Variants in VPS13C observed in about 807,000 individuals in gnomAD.
VPS13C encodes the protein vacuolar protein sorting 13 homolog C.
In VPS13C, 358 loss-of-function variants were observed where a neutral mutation model predicts 456.8. The ratio of observed to expected loss-of-function variants is 0.78; its 90% CI spans 0.72 to 0.86. VPS13C has a LOEUF of 0.86. Ranked by LOEUF, VPS13C falls within the 40% of genes least tolerant of loss-of-function variation. The probability of loss-of-function intolerance (pLI) is 0.00; values close to 1 mark genes in which losing one functional copy is unlikely to be tolerated. For missense variants in VPS13C, 4,818 were observed against 4,385.4 expected, an observed-to-expected ratio of 1.10 and a Z score of -2.79; for synonymous variants, 1,578 against 1,486.7, an observed-to-expected ratio of 1.06 and a Z score of -1.41.
chr15:61,882,802 ATC>A (rs1281775574), intron 68 of VPS13C, 66 bp from the exon 69 acceptor site: 16 of 1,432,082 alleles, frequency 1.1e-5, no homozygotes, highest in Admixed American at 2.6e-5. Context: ...CATTTTTAAT[ATC>A]TGTTTATTGA....
At chr15:61,952,240 T>A (rs2044825655) in intron 38 of VPS13C, among the ~76,000 whole-genome samples, 1 of 152,166 alleles carries the variant, frequency 6.6e-6, no homozygotes. Flanking sequence ...TCGGCACCAT[T>A]AACATTTTGA....
At chr15:61,938,335 A>T (rs1018123173) in intron 47 of VPS13C, among the ~76,000 whole-genome samples, 13 of 152,132 alleles carry the variant, frequency 8.5e-5, no homozygotes, top group African/African-American at 3.1e-4. Flanking sequence ...AAAAACCATC[A>T]AAATGATCCA....
intron 81 of VPS13C, chr15:61,864,907 T>C: frequency 2.1e-6 from 2 of 974,040 alleles, no homozygotes; most frequent in Non-Finnish European, 2.4e-6. Flanking sequence ...TATTTAGATC[T>C]GAAATGCAAG....
chr15:62,021,168 A>G (rs997262969), intron 8 of VPS13C, among the ~76,000 whole-genome samples: 2 of 151,864 alleles, frequency 1.3e-5, no homozygotes, highest in African/African-American at 4.8e-5. Flanking sequence ...GTAGGTGTAA[A>G]TGATAGGAAA....
intron 3 of VPS13C, among the ~76,000 whole-genome samples, chr15:62,036,047 A>G (rs146660483): frequency 8.0e-4 from 121 of 152,092 alleles, no homozygotes; most frequent in Middle Eastern, 3.4e-3. Context: ...AATGTCCCCA[A>G]TCTGCCTTAC....
intron 5 of VPS13C, among the ~76,000 whole-genome samples, chr15:62,031,040 A>G (rs1318762396): frequency 6.6e-6 from 1 of 152,126 alleles, no homozygotes; most frequent in Non-Finnish European, 1.5e-5. Context: ...AGCCTTCCAG[A>G]AAAATAAACT....
intron 66 of VPS13C, among the ~76,000 whole-genome samples, chr15:61,905,035 G>T (rs139511182): frequency 2.0e-5 from 3 of 152,090 alleles, no homozygotes; most frequent in Non-Finnish European, 4.4e-5. Context: ...AATATAGTCA[G>T]AAGGAGTAAC....
In VPS13C at chr15:61,937,184, C is replaced by T. The variant is rs1296549965; in HGVS notation, c.5602-434G>A. 2.6e-5 allele frequency among the ~76,000 whole-genome samples: 4 copies of T among 152,224 alleles called. No homozygotes were observed. In the South Asian group the frequency reaches 6.2e-4, roughly 24 times the overall value. On this transcript the variant is annotated intron_variant, in intron 47 of 84. Coordinates refer to ENST00000644861, the MANE Select transcript of VPS13C (RefSeq NM_020821.3). ...GTCTCTACCAAATAGTAAAAAGATG[C>T]TCTCCTGCTACGTAGCTCTTCATCT...
chr15:62,018,229 C>G (rs1468540800), intron 9 of VPS13C, among the ~76,000 whole-genome samples: 3 of 152,134 alleles, frequency 2.0e-5, no homozygotes, highest in Non-Finnish European at 2.9e-5. Context: ...ATGTCATCTG[C>G]AAACACGGAC....
At position 61,984,959 on chromosome 15, in the gene VPS13C, G is replaced by C. The variant is rs1596424687; in HGVS notation, c.1619C>G (p.Ser540Cys). The change falls in exon 19 of 85, where the codon TCT becomes TGT. Residue 540 changes from serine (S) to cysteine (C), a missense_variant. Physicochemically the swap from Ser to Cys is moderately radical, Grantham distance 112. Coordinates refer to ENST00000644861, the MANE Select transcript of VPS13C (RefSeq NM_020821.3). ...HIMTLKLVST[S>C]VTIRENKNIP... ...ATTCTTGTTTTCTCTTATCGTAACA[G>C]AGGTGCTTACTAACTTCAGGGTCAT... is the stretch of plus-strand genomic sequence containing the variant. 6.2e-7 allele frequency: 1 copy of C among 1,604,944 alleles called. No homozygotes were observed.
chr15:61,920,713 G>T, intron 55 of VPS13C, 66 bp from the exon 56 acceptor site: 1 of 1,449,636 alleles, frequency 6.9e-7, no homozygotes, highest in South Asian at 1.4e-5. Flanking sequence ...AAAAATGCTG[G>T]AGTTCAGTTC....
intron 1 of VPS13C, among the ~76,000 whole-genome samples, chr15:62,057,976 CT>C (rs1462263952): frequency 6.6e-6 from 1 of 152,076 alleles, no homozygotes; most frequent in Non-Finnish European, 1.5e-5. Flanking sequence ...TACGTTTTAT[CT>C]TTTTAAAAAG....
chr15:62,032,772 C>A (rs2047861353), intron 5 of VPS13C, among the ~76,000 whole-genome samples: 1 of 151,694 alleles, frequency 6.6e-6, no homozygotes, highest in Non-Finnish European at 1.5e-5. Context: ...CTCATATACC[C>A]TAATCAGCAA....
intron 42 of VPS13C, among the ~76,000 whole-genome samples, chr15:61,947,814 T>G (rs2044657191): frequency 6.6e-6 from 1 of 152,144 alleles, no homozygotes; most frequent in Non-Finnish European, 1.5e-5. Context: ...TGTTGCTCCA[T>G]CAAGAATCCT....
chr15:61,887,389 T>C (rs189349140), intron 67 of VPS13C, among the ~76,000 whole-genome samples: 8 of 152,226 alleles, frequency 5.3e-5, no homozygotes, highest in African/African-American at 9.6e-5. Flanking sequence ...ACAAATTATG[T>C]TGGAACACCT....
intron 3 of VPS13C, among the ~76,000 whole-genome samples, chr15:62,035,940 T>G (rs942410122): frequency 2.6e-5 from 4 of 152,028 alleles, no homozygotes; most frequent in African/African-American, 9.7e-5. Context: ...GGGCATGCTC[T>G]CAGCTAAATT....
At chr15:61,875,363 T>C (rs1326082639) in intron 76 of VPS13C, among the ~76,000 whole-genome samples, 1 of 152,074 alleles carries the variant, frequency 6.6e-6, no homozygotes, top group Non-Finnish European at 1.5e-5. Context: ...GGCTGGCTGC[T>C]AGACCCTTTA....
chr15:61,882,082 T>C (rs1241211986), intron 69 of VPS13C, among the ~76,000 whole-genome samples: 1 of 152,172 alleles, frequency 6.6e-6, no homozygotes, highest in Non-Finnish European at 1.5e-5. Flanking sequence ...TTAATGAAAA[T>C]ACTTGTATCT....
intron 9 of VPS13C, among the ~76,000 whole-genome samples, chr15:62,018,300 C>T (rs1344063779): frequency 6.6e-6 from 1 of 152,046 alleles, no homozygotes; most frequent in Non-Finnish European, 1.5e-5. Context: ...CTTGACTGCC[C>T]TGGCCAGAAC....
Sources: gnomAD v4.1 joint callset for allele counts (sites outside exome capture counted in the v4.1 genomes callset) on GRCh38, gnomAD v4.1.1 for gene constraint, MANE v1.5 for transcripts, NCBI Gene and HGNC (gene_info 2026-07-23, HGNC 2026-07-21) for gene names.